INPP4B: variants seen among roughly 807,000 people sequenced by gnomAD.
The protein encoded by INPP4B is inositol polyphosphate-4-phosphatase type II B.
INPP4B carries 55 observed loss-of-function variants against 122.5 expected under a neutral mutation model. That is an observed-to-expected ratio of 0.45 (90% confidence interval 0.36 to 0.56). INPP4B has a LOEUF of 0.56. Ranked by LOEUF, INPP4B falls within the 20% of genes least tolerant of loss-of-function variation. INPP4B has a pLI of 0.00. For missense variants in INPP4B, 1,000 were observed against 1,097.7 expected (o/e 0.91, Z 1.26); for synonymous variants, 403 against 388.7 (o/e 1.04, Z -0.43).
intron 1 of INPP4B, among the ~76,000 whole-genome samples, chr4:142,843,159 T>A (rs1028997188): frequency 1.3e-5 from 2 of 151,438 alleles, no homozygotes; most frequent in Non-Finnish European, 3.0e-5. Flanking sequence ...CTTTTCTAGG[T>A]ATATACTGCT....
intron 12 of INPP4B, among the ~76,000 whole-genome samples, chr4:142,233,807 A>G (rs1855505191): frequency 6.6e-6 from 1 of 151,840 alleles, no homozygotes; most frequent in African/African-American, 2.4e-5. Flanking sequence ...ATATCATAAT[A>G]TAATTTAATT....
chr4:142,095,036 A>G (rs1781238032), intron 23 of INPP4B, among the ~76,000 whole-genome samples: 1 of 152,134 alleles, frequency 6.6e-6, no homozygotes, highest in African/African-American at 2.4e-5. Context: ...ACACTCATAT[A>G]TTTACAGTTT....
intron 2 of INPP4B, among the ~76,000 whole-genome samples, chr4:142,650,498 C>G (rs1250896303): frequency 2.0e-5 from 3 of 150,858 alleles, no homozygotes; most frequent in African/African-American, 7.3e-5. Context: ...CACATATAGG[C>G]TCAAAATAAA....
At chr4:142,646,673 A>G (rs982638882) in intron 2 of INPP4B, among the ~76,000 whole-genome samples, 1 of 152,214 alleles carries the variant, frequency 6.6e-6, no homozygotes, top group Non-Finnish European at 1.5e-5. Context: ...GCAGAACATG[A>G]CAGGTTCAGG....
chr4:142,345,884 CCAGTAAATGAACTTTTGAAAAAATGG>C (rs1348181427), intron 7 of INPP4B, among the ~76,000 whole-genome samples: 45 of 152,054 alleles, frequency 3.0e-4, no homozygotes, highest in African/African-American at 9.6e-4. Context: ...TACTCTTACC[CCAGTAAATGAACTTTTGAAAAAATGG>C]CTTCTAGATC....
At chr4:142,588,338 G>C (rs572034306) in intron 2 of INPP4B, among the ~76,000 whole-genome samples, 38 of 151,802 alleles carry the variant, frequency 2.5e-4, no homozygotes, top group African/African-American at 8.7e-4. Flanking sequence ...GTACACAAAT[G>C]TAAAGAGAAG....
chr4:142,783,738 C>G (rs1775272276), intron 1 of INPP4B, among the ~76,000 whole-genome samples: 1 of 151,990 alleles, frequency 6.6e-6, no homozygotes, highest in African/African-American at 2.4e-5. Context: ...TGTAATGACA[C>G]TTCATGTAGC....
intron 25 of INPP4B, among the ~76,000 whole-genome samples, chr4:142,066,881 A>G (rs929998028): frequency 9.2e-5 from 14 of 152,154 alleles, no homozygotes; most frequent in African/African-American, 3.4e-4. Context: ...GTCTCTGCAG[A>G]CTCCACCTCT....
At chr4:142,132,059 C>A (rs1801579299) in intron 18 of INPP4B, among the ~76,000 whole-genome samples, 1 of 151,926 alleles carries the variant, frequency 6.6e-6, no homozygotes, top group African/African-American at 2.4e-5. Context: ...TGAACATCAC[C>A]ATATTTATGA....
At chr4:142,546,555 T>C (rs553611943) in intron 2 of INPP4B, among the ~76,000 whole-genome samples, 10 of 152,284 alleles carry the variant, frequency 6.6e-5, no homozygotes, top group African/African-American at 2.4e-4. Flanking sequence ...TTTGTCTTGA[T>C]ATGCCACTAA....
At chr4:142,253,246 C>T (rs955084181) in intron 11 of INPP4B, among the ~76,000 whole-genome samples, 1 of 152,092 alleles carries the variant, frequency 6.6e-6, no homozygotes, top group East Asian at 1.9e-4. Context: ...AATGTGAAGT[C>T]CTAGAACATT....
intron 3 of INPP4B, 67 bp from the exon 4 acceptor site, chr4:142,431,452 T>C: frequency 1.7e-6 from 1 of 576,472 alleles, no homozygotes; most frequent in Non-Finnish European, 3.1e-6. Flanking sequence ...AAAGTAAAGG[T>C]AAGTAGAGAC....
chr4:142,391,106 T>A (rs1232755718), intron 7 of INPP4B, among the ~76,000 whole-genome samples: 2 of 152,190 alleles, frequency 1.3e-5, no homozygotes, highest in Non-Finnish European at 2.9e-5. Context: ...TTTGCCAGAT[T>A]TTCATACTTA....
At chr4:142,146,296 A>C (rs1579071414) in intron 17 of INPP4B, among the ~76,000 whole-genome samples, 1 of 152,170 alleles carries the variant, frequency 6.6e-6, no homozygotes, top group Non-Finnish European at 1.5e-5. Context: ...TGATATTTTA[A>C]ATTGAAGGCA....
At chr4:142,742,850 AT>A (rs1475083050) in intron 1 of INPP4B, among the ~76,000 whole-genome samples, 4 of 151,994 alleles carry the variant, frequency 2.6e-5, no homozygotes, top group South Asian at 2.1e-4. Context: ...GAGCTAAGTG[AT>A]TGTACCAAAA....
At chr4:142,719,939 T>C (rs1244597554) in intron 2 of INPP4B, among the ~76,000 whole-genome samples, 2 of 152,206 alleles carry the variant, frequency 1.3e-5, no homozygotes, top group African/African-American at 4.8e-5. Context: ...TGATGGGCTA[T>C]AGCACCAAAT....
At chr4:142,645,889 G>A (rs1172092111) in intron 2 of INPP4B, among the ~76,000 whole-genome samples, 2 of 152,242 alleles carry the variant, frequency 1.3e-5, no homozygotes, top group East Asian at 3.9e-4. Context: ...AAAAATGAAA[G>A]ATCCTTTTTA....
At chr4:142,140,002 G>A (rs185495843) in intron 18 of INPP4B, among the ~76,000 whole-genome samples, 110 of 152,312 alleles carry the variant, frequency 7.2e-4, no homozygotes, top group African/African-American at 2.5e-3. Context: ...ACTGAAGGCA[G>A]ACAGAGATAA....
intron 2 of INPP4B, among the ~76,000 whole-genome samples, chr4:142,706,593 C>T (rs952023750): frequency 6.6e-6 from 1 of 152,222 alleles, no homozygotes; most frequent in Non-Finnish European, 1.5e-5. Context: ...ACCACTAATC[C>T]ATTAAGCTGC....
Sources: gnomAD v4.1 joint callset for allele counts (sites outside exome capture counted in the v4.1 genomes callset) on GRCh38, gnomAD v4.1.1 for gene constraint, MANE v1.5 for transcripts, NCBI Gene and HGNC (gene_info 2026-07-23, HGNC 2026-07-21) for gene names.